The following RBFOX1 variants were observed in gnomAD, a reference collection of about 807,000 sequenced individuals.
The protein encoded by RBFOX1 is RNA binding fox-1 homolog 1.
Under a neutral mutation model 57.7 loss-of-function variants are expected in RBFOX1, and 8 were observed. That is an observed-to-expected ratio of 0.14 (90% CI 0.08 to 0.25). The LOEUF (loss-of-function observed/expected upper bound fraction) is 0.25, where lower values mean the gene tolerates loss of function less well. Ranked by LOEUF, RBFOX1 falls within the 10% of genes least tolerant of loss-of-function variation. RBFOX1 has a pLI of 1.00. For missense variants in RBFOX1, 611 were observed against 548.5 expected, an observed-to-expected ratio of 1.11 and a Z score of -1.14; for synonymous variants, 326 against 222.4, an observed-to-expected ratio of 1.47 and a Z score of -4.15.
intron 2 of RBFOX1, among the ~76,000 whole-genome samples, chr16:5,597,976 G>A (rs1196698970): frequency 6.6e-6 from 1 of 152,148 alleles, no homozygotes; most frequent in East Asian, 1.9e-4. Context: ...TAATACCCTA[G>A]TAAGGATTCA....
intron 1 of RBFOX1, among the ~76,000 whole-genome samples, chr16:5,293,001 T>C (rs563140318): frequency 6.6e-6 from 1 of 152,130 alleles, no homozygotes; most frequent in Admixed American, 6.5e-5. Flanking sequence ...GGTTTGATTT[T>C]CTGGAGGTGG....
At chr16:6,371,778 A>G (rs1456099774) in intron 2 of RBFOX1, among the ~76,000 whole-genome samples, 1 of 152,178 alleles carries the variant, frequency 6.6e-6, no homozygotes, top group Non-Finnish European at 1.5e-5. Flanking sequence ...ATATATAATT[A>G]TCTTTTCAAA....
At chr16:7,694,916 C>G (rs1268424757) in intron 14 of RBFOX1, among the ~76,000 whole-genome samples, 1 of 152,112 alleles carries the variant, frequency 6.6e-6, no homozygotes, top group Admixed American at 6.5e-5. Flanking sequence ...TGTGCATGTT[C>G]CAGTATGTTA....
intron 3 of RBFOX1, among the ~76,000 whole-genome samples, chr16:6,803,224 T>G (rs2085914579): frequency 6.6e-6 from 1 of 152,154 alleles, no homozygotes; most frequent in Non-Finnish European, 1.5e-5. Flanking sequence ...TGACCCTCAT[T>G]GCCTATGACA....
In RBFOX1 at chr16:5,569,977, C is replaced by G. The variant is rs549753813; in HGVS notation, c.259-28925C>G. On this transcript the variant is annotated intron_variant, in intron 2 of 2. Coordinates refer to the RBFOX1 transcript ENST00000585867. ...ATAATGATGGGAACTCGGCATCTAA[C>G]TAAAGATTTTCACATTAGGAGTGGA... Among the ~76,000 whole-genome samples the G allele has an allele frequency of 5.9e-5, 9 of 152,298 alleles. No individual in the cohort carries two copies. The East Asian group carries it at 1.4e-3, about 23-fold the overall frequency.
intron 4 of RBFOX1, among the ~76,000 whole-genome samples, chr16:7,448,174 G>A (rs2098823142): frequency 6.6e-6 from 1 of 152,184 alleles, no homozygotes; most frequent in African/African-American, 2.4e-5. Flanking sequence ...GCAAATTACT[G>A]CAAACAGAGC....
intron 4 of RBFOX1, among the ~76,000 whole-genome samples, chr16:7,308,136 A>G (rs144433905): frequency 5.3e-5 from 8 of 152,332 alleles, no homozygotes; most frequent in Admixed American, 1.3e-4. Flanking sequence ...GCATGGACAC[A>G]CAGGACACAG....
At chr16:5,675,955 T>C (rs2050155889) in intron 3 of RBFOX1, among the ~76,000 whole-genome samples, 1 of 152,130 alleles carries the variant, frequency 6.6e-6, no homozygotes. Flanking sequence ...AAGTCTTTTG[T>C]CTATAATTAG....
At chr16:7,300,868 G>A (rs540670355) in intron 4 of RBFOX1, among the ~76,000 whole-genome samples, 2 of 152,260 alleles carry the variant, frequency 1.3e-5, no homozygotes, top group Admixed American at 1.3e-4. Context: ...CTTCCTGTGG[G>A]GTATGTATAA....
chr16:6,866,539 C>CTTTTTTTTTTTTTTTTTTTTT (rs1161474639), intron 3 of RBFOX1, among the ~76,000 whole-genome samples: 2 of 49,088 alleles, frequency 4.1e-5, no homozygotes, highest in Non-Finnish European at 7.3e-5. Context: ...TTCTTTCCTT[C>CTTTTTTTTTTTTTTTTTTTTT]TATTTTTTTT....
intron 2 of RBFOX1, among the ~76,000 whole-genome samples, chr16:6,636,452 G>C (rs759608542): frequency 6.6e-6 from 1 of 152,074 alleles, no homozygotes; most frequent in Non-Finnish European, 1.5e-5. Flanking sequence ...TTACAGGCGT[G>C]AGCCACCGCA....
chr16:6,841,643 C>G (rs371622127), intron 3 of RBFOX1, among the ~76,000 whole-genome samples: 1 of 152,022 alleles, frequency 6.6e-6, no homozygotes, highest in Non-Finnish European at 1.5e-5. Context: ...TGGTTCCTGC[C>G]GGCTCTTGAG....
intron 3 of RBFOX1, among the ~76,000 whole-genome samples, chr16:5,655,838 C>G (rs145622838): frequency 6.1e-4 from 93 of 152,326 alleles, no homozygotes; most frequent in African/African-American, 1.9e-3. Flanking sequence ...ATTTGACTCT[C>G]TGTTTGTCTT....
At chr16:7,003,519 T>A (rs765275309) in intron 3 of RBFOX1, among the ~76,000 whole-genome samples, 14 of 151,616 alleles carry the variant, frequency 9.2e-5, no homozygotes, top group Non-Finnish European at 1.6e-4. Context: ...TGTTAAATCC[T>A]GCTCTCAGGG....
At chr16:5,786,154 C>A (rs1185475339) in intron 3 of RBFOX1, among the ~76,000 whole-genome samples, 1 of 152,208 alleles carries the variant, frequency 6.6e-6, no homozygotes, top group Non-Finnish European at 1.5e-5. Context: ...CCTCTCACCC[C>A]AGAAGACACC....
chr16:6,895,936 G>GTATA (rs140653522), intron 3 of RBFOX1, among the ~76,000 whole-genome samples: 12 of 151,550 alleles, frequency 7.9e-5, no homozygotes, highest in African/African-American at 2.7e-4. Flanking sequence ...TACATAGTAG[G>GTATA]TATATATATA....
chr16:6,731,367 C>G (rs549949118), intron 3 of RBFOX1, among the ~76,000 whole-genome samples: 3 of 152,234 alleles, frequency 2.0e-5, no homozygotes, highest in South Asian at 2.1e-4. Context: ...TAGGGCACGA[C>G]TATACTTTAG....
intron 4 of RBFOX1, among the ~76,000 whole-genome samples, chr16:7,462,191 T>A (rs913927996): frequency 3.9e-5 from 6 of 152,210 alleles, no homozygotes; most frequent in Admixed American, 3.9e-4. Flanking sequence ...CAAAGAGAGT[T>A]TTCCATATTT....
At chr16:5,402,018 C>T (rs1239566202) in intron 1 of RBFOX1, among the ~76,000 whole-genome samples, 1 of 152,094 alleles carries the variant, frequency 6.6e-6, no homozygotes, top group Non-Finnish European at 1.5e-5. Flanking sequence ...TAGTAAATGA[C>T]CTATTTCCAG....
Sources: gnomAD v4.1 joint callset for allele counts (sites outside exome capture counted in the v4.1 genomes callset) on GRCh38, gnomAD v4.1.1 for gene constraint, MANE v1.5 for transcripts, NCBI Gene and HGNC (gene_info 2026-07-23, HGNC 2026-07-21) for gene names.